Variants in RBFOX1 observed in about 807,000 individuals in gnomAD.
The protein encoded by RBFOX1 is RNA binding protein fox-1 homolog 1.
In RBFOX1, 8 loss-of-function variants were observed where a neutral mutation model predicts 57.7. That is an observed-to-expected ratio of 0.14 (90% CI 0.08 to 0.25). The LOEUF is 0.25. Ranked by LOEUF, RBFOX1 falls within the 10% of genes least tolerant of loss-of-function variation. The pLI, the probability that RBFOX1 is intolerant of heterozygous loss-of-function variation, is 1.00. For synonymous variants in RBFOX1, 326 were observed against 222.4 expected, an observed-to-expected ratio of 1.47 and a Z score of -4.15; for missense variants, 611 against 548.5, an observed-to-expected ratio of 1.11 and a Z score of -1.14.
chr16:7,142,384 A>G (rs2074008893), intron 4 of RBFOX1, among the ~76,000 whole-genome samples: 1 of 152,128 alleles, frequency 6.6e-6, no homozygotes, highest in Non-Finnish European at 1.5e-5. Flanking sequence ...AATGAGGTCC[A>G]TGTCCTGAGC....
At chr16:7,048,538 C>T (rs1052504548) in intron 3 of RBFOX1, among the ~76,000 whole-genome samples, 25 of 150,850 alleles carry the variant, frequency 1.7e-4, no homozygotes, top group Admixed American at 1.1e-3. Context: ...GGATTACAGG[C>T]GTGAGCCACC....
intron 3 of RBFOX1, among the ~76,000 whole-genome samples, chr16:6,767,352 C>T (rs2077479133): frequency 1.3e-5 from 2 of 151,990 alleles, no homozygotes; most frequent in African/African-American, 4.8e-5. Flanking sequence ...CATTTCTCTG[C>T]CCCCCTGAGA....
intron 3 of RBFOX1, among the ~76,000 whole-genome samples, chr16:6,887,457 A>G (rs1294060871): frequency 6.6e-6 from 1 of 152,168 alleles, no homozygotes; most frequent in South Asian, 2.1e-4. Context: ...ATCATTTTCT[A>G]AACTTCGCAT....
chr16:6,791,861 A>G (rs558461977), intron 3 of RBFOX1, among the ~76,000 whole-genome samples: 2 of 152,288 alleles, frequency 1.3e-5, no homozygotes, highest in African/African-American at 2.4e-5. Flanking sequence ...ACTTTTATAT[A>G]TTAAGTAACT....
At chr16:6,647,126 G>C (rs931397050) in intron 2 of RBFOX1, among the ~76,000 whole-genome samples, 3 of 152,194 alleles carry the variant, frequency 2.0e-5, no homozygotes, top group African/African-American at 7.2e-5. Flanking sequence ...CTTGTAGTCA[G>C]TCATTCTCAC....
chr16:7,126,851 A>T (rs2068692636), intron 4 of RBFOX1, among the ~76,000 whole-genome samples: 1 of 151,832 alleles, frequency 6.6e-6, no homozygotes, highest in African/African-American at 2.4e-5. Flanking sequence ...TACTAAACAT[A>T]CAAAAAAATG....
chr16:7,030,944 G>C (rs1433631398), intron 3 of RBFOX1, among the ~76,000 whole-genome samples: 1 of 152,278 alleles, frequency 6.6e-6, no homozygotes, highest in East Asian at 1.9e-4. Context: ...TATTTATCTT[G>C]GAAATAAAAT....
intron 4 of RBFOX1, among the ~76,000 whole-genome samples, chr16:7,169,751 C>G (rs1284427716): frequency 1.3e-5 from 2 of 152,160 alleles, no homozygotes; most frequent in Admixed American, 6.5e-5. Flanking sequence ...GCCTTCTCCT[C>G]TTACATGGGT....
At chr16:6,779,753 T>A (rs1276155487) in intron 3 of RBFOX1, among the ~76,000 whole-genome samples, 4 of 25,774 alleles carry the variant, frequency 1.6e-4, no homozygotes, top group South Asian at 1.1e-3. Context: ...TTATATATAC[T>A]TTTATATATT....
At chr16:5,736,329 A>G (rs1477938042) in intron 3 of RBFOX1, among the ~76,000 whole-genome samples, 1 of 152,132 alleles carries the variant, frequency 6.6e-6, no homozygotes, top group East Asian at 1.9e-4. Context: ...CAGATGTGTC[A>G]CTATCTATAG....
chr16:7,449,734 G>GT (rs1168747381), intron 4 of RBFOX1, among the ~76,000 whole-genome samples: 1 of 141,732 alleles, frequency 7.1e-6, no homozygotes, highest in East Asian at 2.2e-4. Context: ...GTGTGTGGGG[G>GT]GGGGGGGTTG....
At chr16:7,163,996 G>C (rs1051830548) in intron 4 of RBFOX1, among the ~76,000 whole-genome samples, 1 of 152,110 alleles carries the variant, frequency 6.6e-6, no homozygotes, top group Non-Finnish European at 1.5e-5. Context: ...GGTTTTTGGA[G>C]AACAGGAGGT....
chr16:5,412,375 A>G (rs1365812460), intron 1 of RBFOX1, among the ~76,000 whole-genome samples: 1 of 152,260 alleles, frequency 6.6e-6, no homozygotes, highest in Non-Finnish European at 1.5e-5. Context: ...AGTTATTGTT[A>G]TCACTAATGA....
intron 3 of RBFOX1, among the ~76,000 whole-genome samples, chr16:6,930,127 C>T (rs1205290998): frequency 1.3e-5 from 2 of 152,108 alleles, no homozygotes; most frequent in African/African-American, 4.8e-5. Context: ...CCATGTGAGC[C>T]CCTCAATCTG....
intron 2 of RBFOX1, among the ~76,000 whole-genome samples, chr16:6,544,443 C>G (rs148895155): frequency 6.6e-6 from 1 of 152,182 alleles, no homozygotes; most frequent in Non-Finnish European, 1.5e-5. Flanking sequence ...CTTAGTTGAA[C>G]GGATGTTCTG....
chr16:6,791,782 G>T (rs937342098), intron 3 of RBFOX1, among the ~76,000 whole-genome samples: 1 of 152,016 alleles, frequency 6.6e-6, no homozygotes, highest in African/African-American at 2.4e-5. Flanking sequence ...CAAACCAGGT[G>T]CAGGACCCTT....
chr16:5,919,468 G>A (rs554058945), intron 4 of RBFOX1, among the ~76,000 whole-genome samples: 208 of 152,074 alleles, frequency 1.4e-3, no homozygotes, highest in African/African-American at 4.8e-3. Context: ...TCAGCCTCCC[G>A]AGTAGCTGGG....
intron 4 of RBFOX1, among the ~76,000 whole-genome samples, chr16:5,997,456 G>C (rs530913262): frequency 6.6e-6 from 1 of 152,306 alleles, no homozygotes; most frequent in South Asian, 2.1e-4. Context: ...CCACATGCTA[G>C]CTCTGTGATA....
At chr16:5,399,697 C>G (rs1567450576) in intron 1 of RBFOX1, among the ~76,000 whole-genome samples, 1 of 151,788 alleles carries the variant, frequency 6.6e-6, no homozygotes, top group Non-Finnish European at 1.5e-5. Context: ...GCTTGCATCA[C>G]TGCTCTCCAG....
Sources: gnomAD v4.1 joint callset for allele counts (sites outside exome capture counted in the v4.1 genomes callset) on GRCh38, gnomAD v4.1.1 for gene constraint, MANE v1.5 for transcripts, NCBI Gene and HGNC (gene_info 2026-07-23, HGNC 2026-07-21) for gene names.